LEPR: variants seen among roughly 807,000 people sequenced by gnomAD.
LEPR encodes the protein OB receptor.
LEPR carries 56 observed loss-of-function variants against 114.7 expected under a neutral mutation model. That is an observed-to-expected ratio of 0.49 (90% confidence interval 0.39 to 0.61). The LOEUF (loss-of-function observed/expected upper bound fraction) is 0.61, where lower values mean the gene tolerates loss of function less well. Ranked by LOEUF, LEPR falls within the 20% of genes least tolerant of loss-of-function variation. LEPR has a pLI of 0.00. For synonymous variants in LEPR, 443 were observed against 461.4 expected (o/e 0.96, Z 0.51); for missense variants, 1,202 against 1,352.9 (o/e 0.89, Z 1.75).
chr1:65,618,312 CCTCTT>C (rs58102309), intron 16 of LEPR, among the ~76,000 whole-genome samples, 166 bp downstream of exon 16: 15 of 150,270 alleles, frequency 1.0e-4, no homozygotes, highest in Middle Eastern at 3.4e-3. Context: ...TAATTCTCTT[CCTCTT>C]CTCTTCTCTT....
rs1470524432 is a variant in LEPR, at chr1:65,601,659, G to A, written c.1262G>A (p.Arg421His). Reference protein sequence around the residue: ...YCCNEHECHHRYAELYVIDVN... With the variant: ...YCCNEHECHHHYAELYVIDVN... ...TGCAATGAACATGAATGCCATCATC[G>A]CTATGCTGAATTATATGTGATTGGT... Residue 421 changes from arginine to histidine, a missense_variant, in exon 9 of 20, where the codon CGC becomes CAC. Physicochemically the swap from Arg to His is conservative, Grantham distance 29 (BLOSUM62 0). Transcript: ENST00000349533. 6 of 1,613,434 alleles carry A rather than the reference G, an allele frequency of 3.7e-6. No homozygotes were observed. Among genetic ancestry groups the A allele is most frequent in the South Asian group, 2.2e-5 (2 of 91,066 alleles).
At chr1:65,458,197 T>C (rs1311365480) in intron 2 of LEPR, among the ~76,000 whole-genome samples, 2 of 151,790 alleles carry the variant, frequency 1.3e-5, no homozygotes, top group Admixed American at 1.3e-4. Flanking sequence ...AGTCTTTTTA[T>C]GTGAGATACA....
chr1:65,586,123 T>C (rs1309090846), intron 5 of LEPR, among the ~76,000 whole-genome samples: 2 of 152,054 alleles, frequency 1.3e-5, no homozygotes, highest in African/African-American at 4.8e-5. Context: ...GAAATTTATC[T>C]TGTGACAATA....
chr1:65,569,578 G>C (rs1253782002), intron 3 of LEPR, among the ~76,000 whole-genome samples: 1 of 151,626 alleles, frequency 6.6e-6, no homozygotes, highest in African/African-American at 2.4e-5. Context: ...GTGGTGGGAG[G>C]TGCCTGTAAT....
intron 5 of LEPR, among the ~76,000 whole-genome samples, chr1:65,584,012 A>G (rs918335549): frequency 2.0e-5 from 3 of 152,146 alleles, no homozygotes; most frequent in African/African-American, 7.2e-5. Context: ...TCAATAAAAT[A>G]GTATTTATGG....
chr1:65,488,226 C>CTCTCTCTCTCTCTCTTTCTTTCTT (rs1553157734), intron 2 of LEPR, among the ~76,000 whole-genome samples: 7 of 67,960 alleles, frequency 1.0e-4, no homozygotes, highest in Admixed American at 4.6e-4. Flanking sequence ...CTCTCTCTCT[C>CTCTCTCTCTCTCTCTTTCTTTCTT]TCTTTCTTTC....
intron 2 of LEPR, among the ~76,000 whole-genome samples, chr1:65,506,665 T>C (rs139280138): frequency 6.6e-6 from 1 of 152,316 alleles, no homozygotes; most frequent in East Asian, 1.9e-4. Flanking sequence ...TATTTTTAAT[T>C]GACAAATAGT....
At chr1:65,556,302 G>A (rs909356453) in intron 2 of LEPR, among the ~76,000 whole-genome samples, 2 of 152,070 alleles carry the variant, frequency 1.3e-5, no homozygotes, top group African/African-American at 4.8e-5. Flanking sequence ...GTGGTATTTT[G>A]TTATAGCAGC....
intron 5 of LEPR, among the ~76,000 whole-genome samples, chr1:65,587,975 A>T (rs950641429): frequency 1.3e-5 from 2 of 152,030 alleles, no homozygotes; most frequent in African/African-American, 4.8e-5. Flanking sequence ...CAAGGACTGC[A>T]AGATTTCTGA....
In LEPR at chr1:65,463,525, C is replaced by T. The variant is rs529983839; in HGVS notation, c.-21+38147C>T. On this transcript the variant is annotated intron_variant, in intron 2 of 19. Transcript: ENST00000349533. ...ATGTGGGCTCTTTTTTGGTTCCATACGAACTTTACAGTAGTTTTTTCCAAT... is the reference window on the plus strand; with the variant it reads ...ATGTGGGCTCTTTTTTGGTTCCATATGAACTTTACAGTAGTTTTTTCCAAT... 8.5e-5 allele frequency among the ~76,000 whole-genome samples: 13 copies of T among 152,066 alleles called. No individual in the cohort carries two copies. In the East Asian group the frequency reaches 1.5e-3, roughly 18 times the overall value.
At chr1:65,594,555 T>C (rs941556294) in intron 6 of LEPR, among the ~76,000 whole-genome samples, 18 of 152,126 alleles carry the variant, frequency 1.2e-4, no homozygotes, top group African/African-American at 4.3e-4. Context: ...GATACTGAGA[T>C]ACGGAAACTC....
chr1:65,519,823 C>G (rs12141591), intron 2 of LEPR, among the ~76,000 whole-genome samples: 13,697 of 151,792 alleles, frequency 0.09, 831 homozygotes, highest in South Asian at 0.27. Flanking sequence ...TCTGCCCCAC[C>G]AAGCCTGGCT....
chr1:65,435,676 CT>C, intron 2 of LEPR: 1 of 985,388 alleles, frequency 1.0e-6, no homozygotes, highest in Non-Finnish European at 1.2e-6. Flanking sequence ...CAAAATGTGC[CT>C]TTGCAAAGTT....
intron 15 of LEPR, 104 bp from the exon 16 acceptor site, chr1:65,617,860 C>A: frequency 1.7e-6 from 2 of 1,157,186 alleles, no homozygotes; most frequent in Non-Finnish European, 2.4e-6. Context: ...AATTGTCTGT[C>A]TTCTCTTCCT....
intron 2 of LEPR, among the ~76,000 whole-genome samples, chr1:65,499,152 C>G (rs1362145843): frequency 6.6e-6 from 1 of 152,024 alleles, no homozygotes; most frequent in Non-Finnish European, 1.5e-5. Context: ...CCTTTATGTT[C>G]TCTGGTGCCA....
intron 2 of LEPR, among the ~76,000 whole-genome samples, chr1:65,558,549 G>GTGT (rs1557662194): frequency 2.2e-4 from 2 of 9,116 alleles, no homozygotes; most frequent in Admixed American, 1.5e-3. Flanking sequence ...TTTTTTTTTT[G>GTGT]TTTTTTTTTT....
At chr1:65,634,316 C>T (rs1019465014) in intron 19 of LEPR, 6 of 982,896 alleles carry the variant, frequency 6.1e-6, no homozygotes, top group African/African-American at 1.7e-5. Context: ...ATGTGTCTTT[C>T]TTCCCTTCTT....
chr1:65,434,971 T>G, intron 2 of LEPR: 1 of 985,490 alleles, frequency 1.0e-6, no homozygotes, highest in Non-Finnish European at 1.2e-6. Context: ...ACACCTGCAT[T>G]GGGCCGACTG....
chr1:65,567,286 T>G (rs2100791216), intron 3 of LEPR, among the ~76,000 whole-genome samples: 1 of 152,348 alleles, frequency 6.6e-6, no homozygotes, highest in East Asian at 1.9e-4. Context: ...AATACTTCTG[T>G]GAGGATTTTA....
Sources: allele counts gnomAD v4.1 joint callset (sites outside exome capture counted in the v4.1 genomes callset), GRCh38; gene constraint gnomAD v4.1.1; transcripts MANE v1.5; gene names NCBI Gene and HGNC (gene_info 2026-07-23, HGNC 2026-07-21).